KY: variants seen among roughly 807,000 people sequenced by gnomAD.
KY encodes kyphoscoliosis peptidase.
KY carries 43 observed loss-of-function variants against 76.1 expected under a neutral mutation model. The observed-to-expected ratio is 0.57, with a 90% CI of 0.44 to 0.73. The LOEUF is 0.73. Among genes scored for constraint, KY ranks in the 30% least tolerant of loss-of-function variants. KY has a pLI of 0.00. For synonymous variants in KY, 277 were observed against 326.2 expected (o/e 0.85, Z 1.63); for missense variants, 722 against 828.9 (o/e 0.87, Z 1.58).
chr3:134,613,457 GCT>G (rs1250009238), intron 8 of KY, among the ~76,000 whole-genome samples: 2 of 152,320 alleles, frequency 1.3e-5, no homozygotes, highest in South Asian at 4.1e-4. Flanking sequence ...CACCTGTACT[GCT>G]CTGAGTGGGG....
intron 6 of KY, among the ~76,000 whole-genome samples, 184 bp downstream of exon 6, chr3:134,624,869 C>T (rs1963217820): frequency 6.6e-6 from 1 of 152,160 alleles, no homozygotes; most frequent in Admixed American, 6.5e-5. Flanking sequence ...TGGCCTCTGG[C>T]TCTGGGCAGG....
chr3:134,644,020 T>C (rs538993571), intron 2 of KY, among the ~76,000 whole-genome samples: 5 of 152,026 alleles, frequency 3.3e-5, no homozygotes, highest in Non-Finnish European at 7.4e-5. Flanking sequence ...AGAGACGGGG[T>C]TTCACCATGT....
chr3:134,634,286 G>C (rs990441054), intron 3 of KY, among the ~76,000 whole-genome samples: 3 of 151,702 alleles, frequency 2.0e-5, no homozygotes, highest in African/African-American at 7.3e-5. Flanking sequence ...ACAGGAACTG[G>C]AATAACTAAA....
intron 7 of KY, among the ~76,000 whole-genome samples, 161 bp downstream of exon 7, chr3:134,620,588 A>T (rs1962433931): frequency 6.6e-6 from 1 of 152,072 alleles, no homozygotes. Flanking sequence ...GGTGAATTTT[A>T]TCCTCCTTGG....
At chr3:134,615,483 T>C (rs914649037) in intron 8 of KY, 1 of 151,856 alleles carries the variant, frequency 6.6e-6, no homozygotes, top group Non-Finnish European at 1.5e-5. Context: ...TATTTTATTT[T>C]TGTTATTATT....
chr3:134,608,048 G>T, intron 10 of KY: 1 of 1,070,620 alleles, frequency 9.3e-7, no homozygotes, highest in Non-Finnish European at 1.1e-6. Context: ...AAGGAAGTCT[G>T]CCCCAACTCT....
At chr3:134,630,648 G>C (rs1964089049) in intron 3 of KY, among the ~76,000 whole-genome samples, 1 of 152,226 alleles carries the variant, frequency 6.6e-6, no homozygotes, top group South Asian at 2.1e-4. Flanking sequence ...GAAGTAAACT[G>C]TGGGGTAGAT....
In KY at chr3:134,600,771, C is replaced by T. The variant is rs1958929498; in HGVS notation, c.*2808G>A. 6.6e-6 allele frequency: 1 copy of T among 152,248 alleles called. No homozygotes were observed. The highest frequency in any genetic ancestry group is 6.5e-5 in the Admixed American group (1 of 15,284). The allele number at this position is 152,248 out of a possible 1,614,324, so 9.4% of individuals were successfully genotyped here. A position where few individuals can be genotyped will look rare whatever the true frequency, so the allele number is the denominator to read the frequency against. On this transcript the variant is annotated 3_prime_UTR_variant, in exon 11 of 11. Coordinates refer to ENST00000423778, the MANE Select transcript of KY (RefSeq NM_178554.6). ...TGCTTCTGTTTCAAGAAGTTATTTC[C>T]AGGCAAAACAGTCCCATCACATCCC...
intron 6 of KY, among the ~76,000 whole-genome samples, chr3:134,623,017 G>A (rs928950467): frequency 6.6e-6 from 1 of 152,124 alleles, no homozygotes; most frequent in South Asian, 2.1e-4. Context: ...TTTCTTCTAC[G>A]TCCAGCTCCA....
At chr3:134,635,448 G>C (rs912053983) in intron 3 of KY, among the ~76,000 whole-genome samples, 6 of 140,144 alleles carry the variant, frequency 4.3e-5, no homozygotes, top group African/African-American at 8.1e-5. Context: ...AGTGAGCCGA[G>C]ATCGTGCCAC....
intron 8 of KY, among the ~76,000 whole-genome samples, chr3:134,617,554 C>T (rs759568085): frequency 3.9e-5 from 6 of 152,160 alleles, no homozygotes; most frequent in Non-Finnish European, 5.9e-5. Flanking sequence ...GTAATATGAC[C>T]AAATGTTACC....
At chr3:134,627,645 C>T in intron 5 of KY, 111 bp downstream of exon 5, 1 of 915,550 alleles carries the variant, frequency 1.1e-6, no homozygotes, top group Non-Finnish European at 1.8e-6. Context: ...CAAAGGTGGC[C>T]CCAGCCTCTC....
chr3:134,649,096 C>T (rs1966776871), intron 1 of KY, among the ~76,000 whole-genome samples: 1 of 152,202 alleles, frequency 6.6e-6, no homozygotes, highest in South Asian at 2.1e-4. Context: ...ATGCACTTTT[C>T]CTCTTCTCTG....
chr3:134,607,685 G>GC, intron 10 of KY: 1 of 985,734 alleles, frequency 1.0e-6, no homozygotes, highest in Non-Finnish European at 1.2e-6. Context: ...CTCCAGGGCA[G>GC]CCCCCGTATG....
intron 3 of KY, among the ~76,000 whole-genome samples, chr3:134,633,049 A>G (rs2107928664): frequency 6.6e-6 from 1 of 152,182 alleles, no homozygotes; most frequent in Non-Finnish European, 1.5e-5. Flanking sequence ...ACTAACTACC[A>G]CAAAACTCAT....
Position 134,603,400 on chromosome 3 carries a change from T to A in KY, c.*179A>T. On this transcript the variant is annotated 3_prime_UTR_variant, in exon 11 of 11. Transcript: ENST00000423778. Reference sequence around the variant, plus strand: ...CCCCTCAGTCACAGCCACACCTGAGTGAAGCCTTCAGAACACAAAGATCAC... The same window carrying A: ...CCCCTCAGTCACAGCCACACCTGAGAGAAGCCTTCAGAACACAAAGATCAC... 1 of 573,676 alleles carries A rather than the reference T, an allele frequency of 1.7e-6. No individual in the cohort carries two copies. The highest frequency in any genetic ancestry group is 3.0e-6 in the Non-Finnish European group (1 of 332,214). 35.5% of individuals were successfully genotyped at this position (573,676 alleles called of 1,614,324 possible).
Position 134,639,949 on chromosome 3 carries a change from CAAAAAAAA to C in KY, c.262+3359_262+3366del, listed in dbSNP as rs35930137. 5.3e-3 allele frequency: 266 copies of C among 49,728 alleles called. 1 individual carries two copies. Among genetic ancestry groups the C allele is most frequent in the African/African-American group, 0.021 (239 of 11,254 alleles). The allele number at this position is 49,728 out of a possible 1,614,324, so 3.1% of individuals were successfully genotyped here. A position where few individuals can be genotyped will look rare whatever the true frequency, so the allele number is the denominator to read the frequency against. ...TGGGCCACAGAGTGACACCCTGTCT[CAAAAAAAA>C]AAAAAAAAAAAAAAAAAAAAAGAAA... is the stretch of plus-strand genomic sequence containing the variant. On this transcript the variant is annotated intron_variant, in intron 3 of 10. Transcript: ENST00000423778.
At chr3:134,606,814 T>TGCC (rs1489879538) in intron 10 of KY, among the ~76,000 whole-genome samples, 2 of 150,974 alleles carry the variant, frequency 1.3e-5, no homozygotes, top group Non-Finnish European at 2.9e-5. Flanking sequence ...CAGTCCCCTC[T>TGCC]TCCTCCTCCT....
At chr3:134,608,994 TTC>T (rs1464810528) in intron 9 of KY, among the ~76,000 whole-genome samples, 155 bp from the exon 10 acceptor site, 10 of 152,184 alleles carry the variant, frequency 6.6e-5, no homozygotes, top group Non-Finnish European at 1.2e-4. Flanking sequence ...CAGTGGATGC[TTC>T]CAGAAATTGT....
Sources: allele counts gnomAD v4.1 joint callset (sites outside exome capture counted in the v4.1 genomes callset), GRCh38; gene constraint gnomAD v4.1.1; transcripts MANE v1.5; gene names NCBI Gene and HGNC (gene_info 2026-07-23, HGNC 2026-07-21).